KCNH2: variants seen among roughly 807,000 people sequenced by gnomAD.
KCNH2 encodes the protein potassium voltage-gated channel subfamily H member 2, also known as voltage-gated inwardly rectifying potassium channel KCNH2.
In KCNH2, 35 loss-of-function variants were observed where a neutral mutation model predicts 95.9. The ratio of observed to expected loss-of-function variants is 0.37; its 90% CI spans 0.28 to 0.48. The LOEUF (loss-of-function observed/expected upper bound fraction) is 0.48. Ranked by LOEUF, KCNH2 falls within the 20% of genes least tolerant of loss-of-function variation. The pLI, the probability that KCNH2 is intolerant of heterozygous loss-of-function variation, is 0.99. For synonymous variants in KCNH2, 786 were observed against 754.7 expected, an observed-to-expected ratio of 1.04 and a Z score of -0.68; for missense variants, 1,274 against 1,702.9, an observed-to-expected ratio of 0.75 and a Z score of 4.43.
intron 2 of KCNH2, 84 bp from the exon 3 acceptor site, chr7:150,959,820 A>T: frequency 6.6e-7 from 1 of 1,503,836 alleles, no homozygotes; most frequent in African/African-American, 1.4e-5. Context: ...CTGGAACCCA[A>T]GTGGGCCCGT....
chr7:150,947,923 A>AGAGGAGGGGGCGAGGGTG, intron 11 of KCNH2, 45 bp from the exon 12 acceptor site: 1 of 1,519,972 alleles, frequency 6.6e-7, no homozygotes, highest in Non-Finnish European at 8.8e-7. Context: ...AGGAGAACAG[A>AGAGGAGGGGGCGAGGGTG]GAGGAGGGGG....
At position 150,946,862 on chromosome 7, in the gene KCNH2, A is replaced by G; in HGVS notation, c.3330+15T>C. ...GCGGGTCACGGTACATCGAGGAAGC[A>G]GGGCTGGAGCTTACCTGAGAAAGCG... On this transcript the variant is annotated intron_variant, in intron 14 of 14. Transcript: ENST00000262186. The surrounding 1 kb of genome is among the most constrained non-coding windows in gnomAD (Gnocchi z 6.5). The G allele has an allele frequency of 6.3e-7, 1 of 1,592,726 alleles. No individual in the cohort carries two copies. The highest frequency in any genetic ancestry group is 1.3e-5 in the African/African-American group (1 of 74,528).
intron 7 of KCNH2, 110 bp downstream of exon 7, chr7:150,951,337 AG>A: frequency 6.3e-6 from 8 of 1,263,442 alleles, no homozygotes; most frequent in Non-Finnish European, 8.6e-6. Context: ...TGGCCCCTGG[AG>A]TCTCTAAGTT....
chr7:150,969,459 C>G (rs530238968), intron 2 of KCNH2, among the ~76,000 whole-genome samples: 8 of 45,864 alleles, frequency 1.7e-4, no homozygotes, highest in Admixed American at 1.3e-3. Context: ...CGGTCCACCT[C>G]TGAGGGTGAA....
At chr7:150,969,433 C>T (rs1245457238) in intron 2 of KCNH2, among the ~76,000 whole-genome samples, 3 of 146,724 alleles carry the variant, frequency 2.0e-5, no homozygotes, top group African/African-American at 7.7e-5. Flanking sequence ...ACTCTGTCCC[C>T]CCACCCCATC....
At chr7:150,958,549 C>A (rs750922191) in intron 3 of KCNH2, 47 bp from the exon 4 acceptor site, 1 of 1,450,338 alleles carries the variant, frequency 6.9e-7, no homozygotes, top group Non-Finnish European at 9.1e-7. Flanking sequence ...CGAGCAGCCC[C>A]GGAGCGGGCA....
rs569005553 is a variant in KCNH2 at position 150,964,144 on chromosome 7, C to T, written c.308-4408G>A. Among the ~76,000 whole-genome samples, 334 of 152,296 alleles carry T rather than the reference C, an allele frequency of 2.2e-3. 2 individuals are homozygous for T. The highest frequency in any genetic ancestry group is 3.4e-3 in the Middle Eastern group (1 of 294). On this transcript the variant is annotated intron_variant, in intron 2 of 14. Transcript: ENST00000262186. ...GCAGGCCTTATCTCCCATGTCAGCA[C>T]CAGGTGGGGAGGAAGAGGCTGCAGA...
At chr7:150,953,887 T>C (rs2968862) in intron 5 of KCNH2, among the ~76,000 whole-genome samples, 103,313 of 152,072 alleles carry the variant, frequency 0.68, 35,990 homozygotes, top group East Asian at 0.88. Flanking sequence ...CCAGAAGCAC[T>C]GACTCCCAGG....
At chr7:150,959,114 G>A (rs1462303478) in intron 3 of KCNH2, among the ~76,000 whole-genome samples, 1 of 152,208 alleles carries the variant, frequency 6.6e-6, no homozygotes, top group Non-Finnish European at 1.5e-5. Context: ...AGCTAGCCCA[G>A]ACCCCCAGGA....
At position 150,955,423 on chromosome 7, in the gene KCNH2, C is replaced by G. The variant is rs990053814; in HGVS notation, c.1128+1868G>C. The G allele has an allele frequency of 1.4e-5, 22 of 1,564,634 alleles. No individual in the cohort carries two copies. The highest frequency in any genetic ancestry group is 1.9e-5 in the Non-Finnish European group (22 of 1,155,358). ...CCTGGGCCACGAGGCTGGAGATGCG[C>G]ACGGCCCGCCTCACCCGGCCTTTCT... On this transcript the variant is annotated intron_variant, in intron 5 of 14. Transcript: ENST00000262186.
chr7:150,958,152 T>C lies in KCNH2; in HGVS notation c.823A>G (p.Ser275Gly). Residue 275 changes from serine (S) to glycine (G), a missense_variant, in exon 4 of 15, where the codon AGC becomes GGC. Around this residue, in one of 7 missense-constraint regions of KCNH2, gnomAD observed 392 missense variants for 429.9 expected, o/e 0.91. Coordinates refer to ENST00000262186, the MANE Select transcript of KCNH2 (RefSeq NM_000238.4). ...GAGGCGCGGCGCACGCTGGCGCAGC[T>C]TTCTCGGGAGCGCGTCCGGGCCAGG... ...CSLARTRSRE[S>G]CASVRRASSA... The C allele has an allele frequency of 7.5e-7, 1 of 1,331,786 alleles. No homozygotes were observed. The highest frequency in any genetic ancestry group is 2.0e-5 in the South Asian group (1 of 49,280). 82.5% of individuals were successfully genotyped at this position (1,331,786 alleles called of 1,614,324 possible).
intron 2 of KCNH2, among the ~76,000 whole-genome samples, chr7:150,967,568 T>C (rs1369338230): frequency 6.6e-5 from 10 of 152,184 alleles, no homozygotes; most frequent in Non-Finnish European, 1.2e-4. Context: ...ACAAGATGCG[T>C]TGGGAAAGTT....
chr7:150,959,867 G>A, intron 2 of KCNH2, 131 bp from the exon 3 acceptor site: 1 of 1,026,914 alleles, frequency 9.7e-7, no homozygotes, highest in Non-Finnish European at 1.5e-6. Flanking sequence ...TCCTCTCCGG[G>A]ATCTCCCGTC....
rs1365379724 is a variant in KCNH2, at chr7:150,972,467, T to G, written c.307+2244A>C. On this transcript the variant is annotated intron_variant, in intron 2 of 14. Transcript: ENST00000262186. ...GTTTCAAGGCAGAAGAAGCGGAGGC[T>G]GAGGAAATCTGTCTGCATCACCCCA... Among the ~76,000 whole-genome samples, 3 of 152,164 alleles carry G rather than the reference T, an allele frequency of 2.0e-5. No homozygotes were observed. In the East Asian group the frequency reaches 5.8e-4, roughly 29 times the overall value.
At position 150,952,305 on chromosome 7, in the gene KCNH2, TC is replaced by T; in HGVS notation, c.1557+119del. The T allele has an allele frequency of 1.8e-6, 2 of 1,127,884 alleles. No homozygotes were observed. Among genetic ancestry groups the T allele is most frequent in the Non-Finnish European group, 2.6e-6 (2 of 774,456 alleles). The allele number at this position is 1,127,884 out of a possible 1,614,324, so 69.9% of individuals were successfully genotyped here. On this transcript the variant is annotated intron_variant, in intron 6 of 14. Transcript: ENST00000262186. This position sits in a 1 kb window ranked among gnomAD's most constrained non-coding sequence, Gnocchi z 7.3. The stretch of plus-strand genomic sequence containing the variant: ...CCATGTCTCTCTCCCACTGTCTTTC[TC>T]TCTTTCTCTCTCTCTCTCTTTTTCT...
chr7:150,972,761 G>A (rs146360598), intron 2 of KCNH2, among the ~76,000 whole-genome samples: 44 of 152,236 alleles, frequency 2.9e-4, no homozygotes, highest in East Asian at 1.9e-3. Context: ...CTGCTTCTCC[G>A]TCCTTCCACC....
intron 11 of KCNH2, 67 bp downstream of exon 11, chr7:150,948,376 AC>A (rs1800996899): frequency 7.6e-7 from 1 of 1,310,800 alleles, no homozygotes; most frequent in Non-Finnish European, 1.1e-6. Context: ...GACACGGCCC[AC>A]CCCGCCTTCC....
chr7:150,947,965 G>C (rs931732946), intron 11 of KCNH2, 87 bp from the exon 12 acceptor site: 8 of 1,416,988 alleles, frequency 5.6e-6, no homozygotes, highest in South Asian at 1.4e-5. Flanking sequence ...GAGCGAGCCC[G>C]AGAGAGGACT....
rs754828103 is a variant in KCNH2, at chr7:150,947,599, G to C, written c.2965+7C>G. 1.2e-6 allele frequency: 2 copies of C among 1,612,126 alleles called. No individual in the cohort carries two copies. The highest frequency in any genetic ancestry group is 4.5e-5 in the East Asian group (2 of 44,786). On this transcript the variant is annotated splice_region_variant and intron_variant, in intron 12 of 14. Transcript: ENST00000262186. ...GTCCTCCCTCGCCCGCCCGTCGCCC[G>C]GGATACCTGACAGGGGGTTGCAAGT...
Sources: allele counts gnomAD v4.1 joint callset (sites outside exome capture counted in the v4.1 genomes callset), GRCh38; gene constraint gnomAD v4.1.1; regional missense constraint gnomAD v4.1.1; non-coding constraint Gnocchi (gnomAD v3.1); transcripts MANE v1.5; gene names NCBI Gene and HGNC (gene_info 2026-07-23, HGNC 2026-07-21).